Variants in TENT2 observed in about 807,000 individuals in gnomAD.
TENT2 encodes poly(A) RNA polymerase GLD2.
A neutral mutation model predicts 72.2 loss-of-function variants in TENT2; 44 were observed. The ratio of observed to expected loss-of-function variants is 0.61; its 90% CI spans 0.48 to 0.78. The LOEUF (loss-of-function observed/expected upper bound fraction) is 0.78. Ranked by LOEUF, TENT2 falls within the 30% of genes least tolerant of loss-of-function variation. TENT2 has a pLI of 0.00. For missense variants in TENT2, 541 were observed against 569.6 expected (o/e 0.95, Z 0.51); for synonymous variants, 212 against 192.5 (o/e 1.10, Z -0.84).
intron 4 of TENT2, among the ~76,000 whole-genome samples, chr5:79,632,986 C>T (rs1776764142): frequency 1.3e-5 from 2 of 152,152 alleles, no homozygotes; most frequent in African/African-American, 4.8e-5. Context: ...CCTTCTCAAC[C>T]CACCAGTTTA....
At chr5:79,629,223 A>C (rs1257986903) in intron 4 of TENT2, among the ~76,000 whole-genome samples, 2 of 152,222 alleles carry the variant, frequency 1.3e-5, no homozygotes, top group East Asian at 3.9e-4. Flanking sequence ...TACAAACCCA[A>C]CTTCTATGTT....
rs1356753690 is a variant in TENT2, at chr5:79,687,274, A to G, written c.*2001A>G. ...AAGTGAACTGTTAATATATGAGAGA[A>G]TTTTCTGGACTTTTAAGTTATTAAT... On this transcript the variant is annotated 3_prime_UTR_variant, in exon 15 of 15. Coordinates refer to ENST00000453514, the MANE Select transcript of TENT2 (RefSeq NM_001114394.3). Among the ~76,000 whole-genome samples the G allele has an allele frequency of 6.6e-6, 1 of 152,092 alleles. No homozygotes were observed. The highest frequency in any genetic ancestry group is 1.9e-4 in the East Asian group (1 of 5,200).
chr5:79,631,708 C>G (rs1213992790), intron 4 of TENT2, among the ~76,000 whole-genome samples: 1 of 152,082 alleles, frequency 6.6e-6, no homozygotes, highest in Non-Finnish European at 1.5e-5. Context: ...GGGAGAAACT[C>G]TGGTCACAAA....
intron 14 of TENT2, among the ~76,000 whole-genome samples, chr5:79,684,428 G>A (rs1042966510): frequency 6.6e-6 from 1 of 151,942 alleles, no homozygotes; most frequent in African/African-American, 2.4e-5. Flanking sequence ...GCCAATTTTT[G>A]TATTTTTTGT....
intron 7 of TENT2, among the ~76,000 whole-genome samples, chr5:79,643,980 T>G (rs1786559941): frequency 6.8e-6 from 1 of 147,382 alleles, no homozygotes; most frequent in African/African-American, 2.6e-5. Context: ...TGAAGCTTGA[T>G]ATATTCTTTT....
At chr5:79,659,856 A>G (rs932510037) in intron 11 of TENT2, among the ~76,000 whole-genome samples, 5 of 149,398 alleles carry the variant, frequency 3.3e-5, no homozygotes, top group Non-Finnish European at 7.4e-5. Context: ...TTTTATTTGT[A>G]TACATCTGAT....
intron 1 of TENT2, among the ~76,000 whole-genome samples, chr5:79,615,955 C>T (rs1297525804): frequency 6.6e-6 from 1 of 152,020 alleles, no homozygotes; most frequent in East Asian, 1.9e-4. Flanking sequence ...GTGGTGCGAT[C>T]TCTGCTCACT....
At chr5:79,677,945 C>A (rs1196465160) in intron 12 of TENT2, among the ~76,000 whole-genome samples, 2 of 152,212 alleles carry the variant, frequency 1.3e-5, no homozygotes, top group African/African-American at 4.8e-5. Flanking sequence ...GGACTATAGG[C>A]GCCACCACGC....
At chr5:79,624,420 T>C (rs908112809) in intron 4 of TENT2, among the ~76,000 whole-genome samples, 2 of 152,204 alleles carry the variant, frequency 1.3e-5, no homozygotes, top group Non-Finnish European at 2.9e-5. Flanking sequence ...GTTCTTTAAT[T>C]TTTTAATTTA....
intron 11 of TENT2, among the ~76,000 whole-genome samples, chr5:79,664,138 C>T (rs1352169390): frequency 3.3e-5 from 5 of 152,104 alleles, no homozygotes; most frequent in Non-Finnish European, 7.4e-5. Flanking sequence ...TTCACCATTT[C>T]ATATAAGGGA....
intron 3 of TENT2, among the ~76,000 whole-genome samples, chr5:79,621,991 C>T (rs114998651): frequency 1.3e-5 from 2 of 151,742 alleles, no homozygotes; most frequent in East Asian, 3.9e-4. Context: ...TGACATAATC[C>T]CAAAGGAGTG....
At chr5:79,648,382 C>A (rs928499676) in intron 8 of TENT2, among the ~76,000 whole-genome samples, 1 of 151,970 alleles carries the variant, frequency 6.6e-6, no homozygotes, top group Non-Finnish European at 1.5e-5. Flanking sequence ...ACTGATCTTT[C>A]CACTGGAATC....
chr5:79,616,536 T>A (rs1382159819), intron 1 of TENT2, among the ~76,000 whole-genome samples: 1 of 152,150 alleles, frequency 6.6e-6, no homozygotes, highest in Admixed American at 6.5e-5. Context: ...CAGGCTGGTC[T>A]TTAACTCCTG....
chr5:79,623,265 GA>G lies in TENT2; in HGVS notation c.248del (p.Asn83ThrfsTer20), dbSNP rs1766611183. Reference protein sequence around the residue: ...LFRGRKRLSDEKNLPLDGKRQ... With the variant: ...LFRGRKRLSDXKNLPLDGKRQ... ...GCTTGTTTTCAGGAGATTAAGCGAT[GA>G]AAAAAACCTTCCTCTTGACGGTAAA... On this transcript the variant is annotated frameshift_variant, in exon 4 of 15. Transcript: ENST00000453514. LOFTEE classifies it high-confidence loss of function. The G allele has an allele frequency of 2.5e-6, 4 of 1,611,410 alleles. No homozygotes were observed. The highest frequency in any genetic ancestry group is 2.5e-6 in the Non-Finnish European group (3 of 1,178,812).
At chr5:79,672,703 C>A (rs960507035) in intron 12 of TENT2, among the ~76,000 whole-genome samples, 4 of 152,150 alleles carry the variant, frequency 2.6e-5, no homozygotes, top group Admixed American at 2.6e-4. Context: ...TTTATCCATT[C>A]CTCTGTTGAT....
chr5:79,668,768 A>C (rs1810511649), intron 11 of TENT2, 124 bp from the exon 12 acceptor site: 1 of 1,194,996 alleles, frequency 8.4e-7, no homozygotes, highest in Non-Finnish European at 1.2e-6. Flanking sequence ...TCAGGTTTCC[A>C]AATTGCCAAA....
intron 12 of TENT2, among the ~76,000 whole-genome samples, chr5:79,670,188 C>T (rs1811820414): frequency 6.8e-6 from 1 of 147,826 alleles, no homozygotes; most frequent in Admixed American, 6.8e-5. Context: ...CATTGCACTC[C>T]AGCCTGGGCA....
chr5:79,656,611 A>G (rs1798147619), intron 10 of TENT2, among the ~76,000 whole-genome samples: 1 of 151,958 alleles, frequency 6.6e-6, no homozygotes, highest in Non-Finnish European at 1.5e-5. Flanking sequence ...AATAATGTCT[A>G]TTCAGTATCT....
At chr5:79,664,040 A>G (rs1469252975) in intron 11 of TENT2, among the ~76,000 whole-genome samples, 2 of 152,226 alleles carry the variant, frequency 1.3e-5, no homozygotes, top group Non-Finnish European at 2.9e-5. Context: ...AACTATTTAG[A>G]TGGAGTTTAT....
Sources: gnomAD v4.1 joint callset for allele counts (sites outside exome capture counted in the v4.1 genomes callset) on GRCh38, gnomAD v4.1.1 for gene constraint, MANE v1.5 for transcripts, NCBI Gene and HGNC (gene_info 2026-07-23, HGNC 2026-07-21) for gene names.